The following CRTAC1 variants were observed in gnomAD, a reference collection of about 807,000 sequenced individuals.
CRTAC1 encodes the protein cartilage acidic protein 1, also known as acidic secreted protein in cartilage.
A neutral mutation model predicts 67.8 loss-of-function variants in CRTAC1; 37 were observed. That is an observed-to-expected ratio of 0.55 (90% CI 0.42 to 0.72). The LOEUF (loss-of-function observed/expected upper bound fraction) is 0.72. Among genes scored for constraint, CRTAC1 ranks in the 30% least tolerant of loss-of-function variants. The pLI is 0.00. For missense variants in CRTAC1, 780 were observed against 931.6 expected, an observed-to-expected ratio of 0.84 and a Z score of 2.12; for synonymous variants, 348 against 371.0, an observed-to-expected ratio of 0.94 and a Z score of 0.71.
chr10:97,970,102 G>A (rs1247826605), intron 2 of CRTAC1, among the ~76,000 whole-genome samples: 2 of 152,018 alleles, frequency 1.3e-5, no homozygotes, highest in African/African-American at 2.4e-5. Context: ...AGGTGCTCAG[G>A]CCAAAAGCTC....
rs755052125 is a variant in CRTAC1 at position 97,880,373 on chromosome 10, C to T, written c.1695G>A (p.Gln565=). Residue 565 remains glutamine, a synonymous_variant, in exon 14 of 15, where the codon CAG becomes CAA. Transcript: ENST00000370597. The part of the protein sequence containing the change: ...GHCMDTNECI[Q]FPFVCPRDKP... ...TGTCTCGAGGGCACACGAATGGGAA[C>T]TGGATGCATTCATTGGTGTCTGCAA... 19 of 1,613,950 alleles carry T rather than the reference C, an allele frequency of 1.2e-5. No individual in the cohort carries two copies. In the Admixed American group the frequency reaches 1.5e-4, roughly 13 times the overall value.
At chr10:98,006,450 C>T (rs142072694) in intron 2 of CRTAC1, among the ~76,000 whole-genome samples, 7 of 152,262 alleles carry the variant, frequency 4.6e-5, no homozygotes, top group African/African-American at 1.7e-4. Context: ...CCGGCCCAGT[C>T]CCTCCCCCAT....
intron 4 of CRTAC1, among the ~76,000 whole-genome samples, chr10:97,919,910 TTTTTTTTG>T: frequency 7.9e-6 from 1 of 126,546 alleles, no homozygotes; most frequent in South Asian, 2.6e-4. Context: ...CAGCTAATTT[TTTTTTTTG>T]TTTGTTTGTT....
At chr10:97,950,780 A>G (rs906828971) in intron 2 of CRTAC1, among the ~76,000 whole-genome samples, 1 of 151,890 alleles carries the variant, frequency 6.6e-6, no homozygotes, top group Non-Finnish European at 1.5e-5. Context: ...ACAGAGGGGT[A>G]GGCCTGGAAT....
chr10:97,954,951 AAGGACT>A (rs1259829165), intron 2 of CRTAC1, among the ~76,000 whole-genome samples: 1 of 152,180 alleles, frequency 6.6e-6, no homozygotes, highest in African/African-American at 2.4e-5. Flanking sequence ...CACAGGTTCC[AAGGACT>A]AGGACATGGA....
chr10:97,914,888 C>T (rs1353832985), intron 5 of CRTAC1, among the ~76,000 whole-genome samples: 5 of 152,298 alleles, frequency 3.3e-5, no homozygotes, highest in African/African-American at 9.6e-5. Flanking sequence ...GCCACCCTCC[C>T]GGGGCCCTCG....
At chr10:97,886,206 G>A (rs535750925) in intron 11 of CRTAC1, among the ~76,000 whole-genome samples, 24 of 152,300 alleles carry the variant, frequency 1.6e-4, no homozygotes, top group African/African-American at 5.3e-4. Context: ...TACGCCTTGT[G>A]AGCCACATCC....
chr10:97,895,638 G>A lies in CRTAC1; in HGVS notation c.1318-225C>T, dbSNP rs975974933. 1.3e-5 allele frequency among the ~76,000 whole-genome samples: 2 copies of A among 152,206 alleles called. No homozygotes were observed. The highest frequency in any genetic ancestry group is 4.8e-5 in the African/African-American group (2 of 41,448). ...ACTGCAGACAGAGGAGACAAAAGCC[G>A]AGGGACTCAGGGCACAGTGTTTGGC... is the stretch of plus-strand genomic sequence containing the variant. On this transcript the variant is annotated intron_variant, in intron 10 of 14. Transcript: ENST00000370597. This position sits in a 1 kb window ranked among gnomAD's most constrained non-coding sequence, Gnocchi z 4.2.
intron 1 of CRTAC1, among the ~76,000 whole-genome samples, chr10:98,023,366 T>C (rs933506321): frequency 1.3e-5 from 2 of 152,180 alleles, no homozygotes; most frequent in African/African-American, 4.8e-5. Flanking sequence ...GGGTCACCTC[T>C]GCCCCAGAAT....
intron 1 of CRTAC1, among the ~76,000 whole-genome samples, chr10:98,024,614 C>A (rs370953045): frequency 6.6e-6 from 1 of 152,092 alleles, no homozygotes; most frequent in African/African-American, 2.4e-5. Context: ...GGAATTTTTC[C>A]AAGAAGTAAA....
At chr10:98,021,778 T>G (rs1187474773) in intron 1 of CRTAC1, among the ~76,000 whole-genome samples, 1 of 152,086 alleles carries the variant, frequency 6.6e-6, no homozygotes, top group East Asian at 1.9e-4. Flanking sequence ...AGTTGCCAAA[T>G]GTTGAATGGA....
At chr10:97,868,606 C>G (rs2050054570) in intron 14 of CRTAC1, 1 of 152,334 alleles carries the variant, frequency 6.6e-6, no homozygotes, top group South Asian at 2.1e-4. Context: ...TGGACTCACT[C>G]CCTCTGCTGG....
At chr10:97,880,555 T>C (rs572100213) in intron 13 of CRTAC1, among the ~76,000 whole-genome samples, 163 bp from the exon 14 acceptor site, 1 of 152,248 alleles carries the variant, frequency 6.6e-6, no homozygotes, top group African/African-American at 2.4e-5. Flanking sequence ...GTACTTGGTC[T>C]CTACATGCTG....
chr10:97,961,297 C>A (rs73332590), intron 2 of CRTAC1, among the ~76,000 whole-genome samples: 2,695 of 152,220 alleles, frequency 0.018, 71 homozygotes, highest in African/African-American at 0.061. Context: ...CCCAAACAAC[C>A]TATCCTTTTT....
chr10:97,983,081 A>G (rs2051922076), intron 2 of CRTAC1, among the ~76,000 whole-genome samples: 1 of 152,242 alleles, frequency 6.6e-6, no homozygotes, highest in Non-Finnish European at 1.5e-5. Flanking sequence ...TGGCAAAACA[A>G]TATTTTAGAG....
Position 97,889,795 on chromosome 10 carries a change from C to A in CRTAC1, c.1487-5444G>T, listed in dbSNP as rs1030027127. ...CATGGAGGCAGGAAGGGGGCAGGGG[C>A]CCTGGGGGCAGGCAAGCTGAAGCCT... On this transcript the variant is annotated intron_variant, in intron 11 of 14. Transcript: ENST00000370597. Among the ~76,000 whole-genome samples the A allele has an allele frequency of 7.9e-5, 12 of 152,106 alleles. 1 individual carries two copies. In the South Asian group the frequency reaches 1.2e-3, roughly 16 times the overall value.
intron 2 of CRTAC1, among the ~76,000 whole-genome samples, chr10:97,987,607 T>G (rs182254603): frequency 1.5e-4 from 23 of 152,376 alleles, no homozygotes; most frequent in Admixed American, 1.4e-3. Flanking sequence ...GGCGTTTATG[T>G]GCACGAGTGT....
At chr10:97,953,323 A>G (rs1590234876) in intron 2 of CRTAC1, among the ~76,000 whole-genome samples, 1 of 152,170 alleles carries the variant, frequency 6.6e-6, no homozygotes. Context: ...GACATGCACC[A>G]TAACACTCTC....
At chr10:97,920,309 T>TAAACTGAC (rs2050818750) in intron 4 of CRTAC1, among the ~76,000 whole-genome samples, 1 of 152,208 alleles carries the variant, frequency 6.6e-6, no homozygotes, top group African/African-American at 2.4e-5. Context: ...TTCGGGGGTA[T>TAAACTGAC]AAACTGACAA....
Sources: gnomAD v4.1 joint callset for allele counts (sites outside exome capture counted in the v4.1 genomes callset) on GRCh38, gnomAD v4.1.1 for gene constraint, Gnocchi (gnomAD v3.1) non-coding constraint, MANE v1.5 for transcripts, NCBI Gene and HGNC (gene_info 2026-07-23, HGNC 2026-07-21) for gene names.